NPFFR2: variants seen among roughly 807,000 people sequenced by gnomAD.
NPFFR2 encodes G-protein coupled receptor 74.
NPFFR2 carries 15 observed loss-of-function variants against 13.1 expected under a neutral mutation model. That is an observed-to-expected ratio of 1.15 (90% CI 0.77 to 1.76). NPFFR2 has a LOEUF of 1.76. Among genes scored for constraint, NPFFR2 ranks in the 40% most tolerant of loss-of-function variants. NPFFR2 has a pLI of 0.00. For synonymous variants in NPFFR2, 190 were observed against 175.7 expected (o/e 1.08, Z -0.65); for missense variants, 572 against 503.5 (o/e 1.14, Z -1.30).
At chr4:72,110,346 C>A (rs1721531241) in intron 1 of NPFFR2, among the ~76,000 whole-genome samples, 2 of 151,976 alleles carry the variant, frequency 1.3e-5, no homozygotes, top group Non-Finnish European at 1.5e-5. Flanking sequence ...GTCAATTAAA[C>A]CTCTTTCCTT....
intron 1 of NPFFR2, among the ~76,000 whole-genome samples, chr4:72,034,002 T>C (rs1027400370): frequency 6.6e-6 from 1 of 152,170 alleles, no homozygotes; most frequent in Non-Finnish European, 1.5e-5. Context: ...TTCACTGTAT[T>C]GCATTAAAAT....
chr4:72,104,027 A>C (rs948833085), intron 1 of NPFFR2, among the ~76,000 whole-genome samples: 16 of 152,092 alleles, frequency 1.1e-4, no homozygotes, highest in African/African-American at 3.9e-4. Flanking sequence ...TTTAATGAGC[A>C]GTTTAGCTGT....
intron 1 of NPFFR2, among the ~76,000 whole-genome samples, chr4:72,125,187 C>A (rs996668892): frequency 1.3e-5 from 2 of 152,180 alleles, no homozygotes; most frequent in African/African-American, 4.8e-5. Flanking sequence ...AGCTCATCAT[C>A]ACTGGTCATT....
intron 1 of NPFFR2, among the ~76,000 whole-genome samples, chr4:72,075,942 C>A (rs931096597): frequency 6.7e-6 from 1 of 148,282 alleles, no homozygotes; most frequent in Non-Finnish European, 1.5e-5. Flanking sequence ...GTAAATCAAT[C>A]TCTCTCTCTC....
intron 2 of NPFFR2, among the ~76,000 whole-genome samples, chr4:72,137,352 G>A (rs928771668): frequency 1.3e-5 from 2 of 152,038 alleles, no homozygotes; most frequent in Non-Finnish European, 2.9e-5. Context: ...ATAGCAGATG[G>A]GTGTTTAGAA....
At chr4:72,130,769 C>A (rs1185894926) in intron 2 of NPFFR2, among the ~76,000 whole-genome samples, 1 of 152,156 alleles carries the variant, frequency 6.6e-6, no homozygotes, top group Non-Finnish European at 1.5e-5. Context: ...GCCTGTGACC[C>A]CTGGAGCCCC....
At chr4:72,053,684 A>G (rs1719657956) in intron 1 of NPFFR2, among the ~76,000 whole-genome samples, 2 of 151,886 alleles carry the variant, frequency 1.3e-5, no homozygotes, top group Non-Finnish European at 2.9e-5. Flanking sequence ...TGACTTTCAT[A>G]TAGATTCAGG....
At chr4:72,103,750 A>G (rs892806804) in intron 1 of NPFFR2, among the ~76,000 whole-genome samples, 1 of 152,154 alleles carries the variant, frequency 6.6e-6, no homozygotes, top group South Asian at 2.1e-4. Flanking sequence ...AGAAAATGTT[A>G]CCCATTAATG....
intron 1 of NPFFR2, among the ~76,000 whole-genome samples, chr4:72,099,613 C>T (rs947716604): frequency 2.0e-5 from 3 of 152,012 alleles, no homozygotes; most frequent in Middle Eastern, 3.4e-3. Context: ...TTGAACAGCT[C>T]GATCTCATGT....
rs376285135 is a variant in NPFFR2 at position 72,088,501 on chromosome 4, A to G, written c.-7-40084A>G. On this transcript the variant is annotated intron_variant, in intron 1 of 3. Coordinates refer to ENST00000308744, the MANE Select transcript of NPFFR2 (RefSeq NM_004885.3). Reference sequence around the variant, plus strand: ...GTAGAGAGACTATATGAAGGCATACATACTTCTATGTGTATGTTTGCTTTT... The same window carrying G: ...GTAGAGAGACTATATGAAGGCATACGTACTTCTATGTGTATGTTTGCTTTT... 3.8e-4 allele frequency among the ~76,000 whole-genome samples: 58 copies of G among 152,246 alleles called. No homozygotes were observed. In the East Asian group the frequency reaches 8.3e-3, roughly 22 times the overall value.
At chr4:72,103,457 T>C (rs1031782063) in intron 1 of NPFFR2, among the ~76,000 whole-genome samples, 4 of 152,112 alleles carry the variant, frequency 2.6e-5, no homozygotes, top group African/African-American at 4.8e-5. Flanking sequence ...TCTTGGACTT[T>C]CCAGCCTCCA....
At chr4:72,066,245 G>A (rs544069017) in intron 1 of NPFFR2, among the ~76,000 whole-genome samples, 2 of 152,088 alleles carry the variant, frequency 1.3e-5, no homozygotes, top group Non-Finnish European at 2.9e-5. Flanking sequence ...ACCTAGTGAA[G>A]GCTCTTTCAT....
At chr4:72,051,222 C>A (rs1273921946) in intron 1 of NPFFR2, among the ~76,000 whole-genome samples, 1 of 151,738 alleles carries the variant, frequency 6.6e-6, no homozygotes, top group Non-Finnish European at 1.5e-5. Flanking sequence ...CGTTTACAGT[C>A]CCACCAACAG....
chr4:72,062,078 A>T (rs370516588), intron 1 of NPFFR2, among the ~76,000 whole-genome samples: 1 of 148,932 alleles, frequency 6.7e-6, no homozygotes, highest in Non-Finnish European at 1.5e-5. Flanking sequence ...TTGGTACTCA[A>T]TTTTTTTTTT....
At chr4:72,079,719 A>G (rs1720551242) in intron 1 of NPFFR2, among the ~76,000 whole-genome samples, 1 of 152,160 alleles carries the variant, frequency 6.6e-6, no homozygotes. Flanking sequence ...CTGATAAACA[A>G]CTTGTATTCA....
intron 1 of NPFFR2, among the ~76,000 whole-genome samples, chr4:72,044,358 T>C (rs541162587): frequency 3.9e-5 from 6 of 152,202 alleles, no homozygotes; most frequent in Non-Finnish European, 8.8e-5. Flanking sequence ...CTTTAATCCA[T>C]CTTGAGTTAC....
At chr4:72,116,912 A>T (rs917491221) in intron 1 of NPFFR2, among the ~76,000 whole-genome samples, 3 of 152,068 alleles carry the variant, frequency 2.0e-5, no homozygotes, top group African/African-American at 7.2e-5. Flanking sequence ...TATAGACCTA[A>T]GCCCCAAAGG....
chr4:72,063,995 G>A (rs1301141204), intron 1 of NPFFR2, among the ~76,000 whole-genome samples: 1 of 152,166 alleles, frequency 6.6e-6, no homozygotes, highest in African/African-American at 2.4e-5. Context: ...AAAAAAGGAT[G>A]ACAGTAATAA....
chr4:72,058,892 C>A (rs1328154278), intron 1 of NPFFR2, among the ~76,000 whole-genome samples: 1 of 152,054 alleles, frequency 6.6e-6, no homozygotes, highest in Admixed American at 6.6e-5. Flanking sequence ...GGGCCTTACT[C>A]AAACTTCATA....
Sources: allele counts gnomAD v4.1 joint callset (sites outside exome capture counted in the v4.1 genomes callset), GRCh38; gene constraint gnomAD v4.1.1; transcripts MANE v1.5; gene names NCBI Gene and HGNC (gene_info 2026-07-23, HGNC 2026-07-21).